PLXNB1: variants seen among roughly 807,000 people sequenced by gnomAD.
PLXNB1 encodes plexin-B1.
A neutral mutation model predicts 209.4 loss-of-function variants in PLXNB1; 106 were observed. The ratio of observed to expected loss-of-function variants is 0.51; its 90% CI spans 0.43 to 0.59. The LOEUF is 0.59. Ranked by LOEUF, PLXNB1 falls within the 20% of genes least tolerant of loss-of-function variation. PLXNB1 has a pLI of 0.00. For missense variants in PLXNB1, 2,357 were observed against 2,853.2 expected (o/e 0.83, Z 3.96); for synonymous variants, 1,167 against 1,183.2 (o/e 0.99, Z 0.28).
chr3:48,416,352 G>A lies in PLXNB1; in HGVS notation c.3474C>T (p.Ala1158=). 1.2e-6 allele frequency: 2 copies of A among 1,610,986 alleles called. No individual in the cohort carries two copies. Among genetic ancestry groups the A allele is most frequent in the Non-Finnish European group, 1.7e-6 (2 of 1,178,394 alleles). The part of the protein sequence containing the change: ...RGRGVSEHDF[A]YQDPKVHSIF... ...TGGCTCAGCAGTCAGGTACCTGGTA[G>A]GCAAAGTCGTGTTCTGAGACACCAC... The change falls in exon 17 of 38, where the codon GCC becomes GCT. Residue 1158 remains alanine, a synonymous_variant. Coordinates refer to ENST00000296440, the MANE Select transcript of PLXNB1 (RefSeq NM_001130082.3). The surrounding 1 kb of genome is among the most constrained non-coding windows in gnomAD (Gnocchi z 4.1).
chr3:48,419,184 T>C lies in PLXNB1; in HGVS notation c.2832+60A>G. The C allele has an allele frequency of 6.5e-7, 1 of 1,549,296 alleles. No homozygotes were observed. The highest frequency in any genetic ancestry group is 2.3e-5 in the East Asian group (1 of 44,140). On this transcript the variant is annotated intron_variant, in intron 12 of 37. Coordinates refer to ENST00000296440, the MANE Select transcript of PLXNB1 (RefSeq NM_001130082.3). The surrounding 1 kb of genome is among the most constrained non-coding windows in gnomAD (Gnocchi z 5.7). ...CCCTCCTCCTGCTCCCCAGGGCTTGTGCAGAGTTTCTCAACAGCTAAGGAG... is the reference window on the plus strand; with the variant it reads ...CCCTCCTCCTGCTCCCCAGGGCTTGCGCAGAGTTTCTCAACAGCTAAGGAG...
intron 27 of PLXNB1, 65 bp from the exon 28 acceptor site, chr3:48,412,074 A>G (rs566215841): frequency 1.9e-6 from 3 of 1,575,726 alleles, no homozygotes; most frequent in Admixed American, 3.4e-5. Flanking sequence ...CATGACGCAC[A>G]CTGGGGAAGG....
rs779593885 is a variant in PLXNB1 at position 48,421,275 on chromosome 3, C to T, written c.1763G>A (p.Cys588Tyr). ...PALLTGSGVMCPSPDPSEAPV... is the reference protein window; with the variant it reads ...PALLTGSGVMYPSPDPSEAPV... ...GGCCTCACTAGGGTCTGGGGAGGGGCACATCACACCAGAACCAGTCAGCAG... is the reference window on the plus strand; with the variant it reads ...GGCCTCACTAGGGTCTGGGGAGGGGTACATCACACCAGAACCAGTCAGCAG... The change falls in exon 8 of 38, where the codon TGC becomes TAC. Residue 588 changes from cysteine (C) to tyrosine (Y), a missense_variant. By Grantham distance (194) the Cys-to-Tyr change is radical (BLOSUM62 -2). Around this residue, in one of 7 missense-constraint regions of PLXNB1, gnomAD observed 214 missense variants for 297.1 expected, o/e 0.72. Coordinates refer to ENST00000296440, the MANE Select transcript of PLXNB1 (RefSeq NM_001130082.3). 6.2e-6 allele frequency: 10 copies of T among 1,612,036 alleles called. No homozygotes were observed. The highest frequency in any genetic ancestry group is 1.7e-6 in the Non-Finnish European group (2 of 1,179,150).
chr3:48,408,551 C>G (rs1460118089), intron 34 of PLXNB1, among the ~76,000 whole-genome samples: 1 of 152,170 alleles, frequency 6.6e-6, no homozygotes, highest in East Asian at 1.9e-4. Context: ...GCTCCAACTA[C>G]TCAGTCTCCT....
rs1006829115 is a variant in PLXNB1 at position 48,404,446 on chromosome 3, G to A, written c.*40C>T. The A allele has an allele frequency of 7.0e-7, 1 of 1,423,674 alleles. No homozygotes were observed. The highest frequency in any genetic ancestry group is 2.3e-5 in the East Asian group (1 of 43,892). 88.2% of individuals were successfully genotyped at this position (1,423,674 alleles called of 1,614,324 possible). ...TCCTCCGAGCTTCCAGGGCTGCCCA[G>A]GCCAGGCTGAAGCAACAGCAGGCCG... is the stretch of plus-strand genomic sequence containing the variant. On this transcript the variant is annotated 3_prime_UTR_variant, in exon 38 of 38. Coordinates refer to ENST00000296440, the MANE Select transcript of PLXNB1 (RefSeq NM_001130082.3).
rs764358646 is a variant in PLXNB1 at position 48,415,190 on chromosome 3, A to C, written c.3952T>G (p.Cys1318Gly). Residue 1318 changes from cysteine (C) to glycine (G), a missense_variant, in exon 20 of 38, where the codon TGC becomes GGC. Physicochemically the swap from Cys to Gly is radical, Grantham distance 159. This residue lies in a region of PLXNB1 where 743 missense variants were observed against 896.2 expected (regional missense o/e 0.83). Transcript: ENST00000296440. The surrounding 1 kb of genome is among the most constrained non-coding windows in gnomAD (Gnocchi z 5.0). ...GGGTGTCCTACTTGCTGGCTACTGC[A>C]GGAGGGTCCAAGGGAACATGCCGTC... ...PETACSLGPS[C>G]SSQQFEEPCH... 1.9e-6 allele frequency: 3 copies of C among 1,612,778 alleles called. No homozygotes were observed. In the Admixed American group the frequency reaches 5.0e-5, roughly 27 times the overall value.
chr3:48,427,189 A>G (rs2038937552), intron 1 of PLXNB1, among the ~76,000 whole-genome samples: 1 of 152,138 alleles, frequency 6.6e-6, no homozygotes, highest in Non-Finnish European at 1.5e-5. Context: ...GGTTAAAAAC[A>G]AAAACAAAAA....
At chr3:48,427,370 C>T (rs1034961436) in intron 1 of PLXNB1, among the ~76,000 whole-genome samples, 21 of 152,162 alleles carry the variant, frequency 1.4e-4, no homozygotes, top group Non-Finnish European at 2.9e-5. Flanking sequence ...CCACACATAC[C>T]ATGGGTGTCG....
rs369198274 is a variant in PLXNB1, at chr3:48,413,045, C to T, written c.4636+24G>A. ...TGGGTTTGGGCAGAGTTCTGGAGGG[C>T]GGGGCCCATTCTCTCAGCCACACCT... is the stretch of plus-strand genomic sequence containing the variant. On this transcript the variant is annotated intron_variant, in intron 24 of 37. Transcript: ENST00000296440. The surrounding 1 kb of genome is among the most constrained non-coding windows in gnomAD (Gnocchi z 5.4). The T allele has an allele frequency of 3.7e-6, 6 of 1,609,272 alleles. No individual in the cohort carries two copies. The highest frequency in any genetic ancestry group is 5.1e-6 in the Non-Finnish European group (6 of 1,175,856).
At chr3:48,408,279 G>A (rs529461826) in intron 34 of PLXNB1, among the ~76,000 whole-genome samples, 28 of 152,286 alleles carry the variant, frequency 1.8e-4, no homozygotes, top group African/African-American at 6.7e-4. Context: ...CTCCCAAAGT[G>A]CTGGGATTCT....
rs1415533474 is a variant in PLXNB1, at chr3:48,421,219, C to T, written c.1810+9G>A. On this transcript the variant is annotated intron_variant, in intron 8 of 37. Coordinates refer to ENST00000296440, the MANE Select transcript of PLXNB1 (RefSeq NM_001130082.3). ...GGCCCCCACCAGGCTGGCCCATTCT[C>T]TCACCCACCGGCTCCTCTCGGCAGC... The T allele has an allele frequency of 1.2e-6, 2 of 1,612,340 alleles. No individual in the cohort carries two copies. Among genetic ancestry groups the T allele is most frequent in the Non-Finnish European group, 8.5e-7 (1 of 1,179,386 alleles).
chr3:48,415,439 C>G lies in PLXNB1; in HGVS notation c.3795-92G>C. The G allele has an allele frequency of 2.1e-6, 3 of 1,461,394 alleles. No individual in the cohort carries two copies. The highest frequency in any genetic ancestry group is 2.5e-5 in the South Asian group (2 of 79,644). The allele number at this position is 1,461,394 out of a possible 1,614,324, so 90.5% of individuals were successfully genotyped here. On this transcript the variant is annotated intron_variant, in intron 19 of 37. Coordinates refer to ENST00000296440, the MANE Select transcript of PLXNB1 (RefSeq NM_001130082.3). This position sits in a 1 kb window ranked among gnomAD's most constrained non-coding sequence, Gnocchi z 5.0. ...AGTCCCGGCTAGGTCAGCTCAGCCCCAGCCCCAAACCACACGACCCCTTGC... is the reference window on the plus strand; with the variant it reads ...AGTCCCGGCTAGGTCAGCTCAGCCCGAGCCCCAAACCACACGACCCCTTGC...
rs1169347471 is a variant in PLXNB1, at chr3:48,410,275, C to T, written c.5605+21G>A. The T allele has an allele frequency of 9.5e-6, 15 of 1,576,614 alleles. No homozygotes were observed. Among genetic ancestry groups the T allele is most frequent in the East Asian group, 6.8e-5 (3 of 44,424 alleles). On this transcript the variant is annotated intron_variant, in intron 31 of 37. Coordinates refer to ENST00000296440, the MANE Select transcript of PLXNB1 (RefSeq NM_001130082.3). The surrounding 1 kb of genome is among the most constrained non-coding windows in gnomAD (Gnocchi z 6.4). ...GCTGGGCACAGCAGGGGCAGAGGAC[C>T]GTGATGGGAGCGGTACTCACGCTCT... is the stretch of plus-strand genomic sequence containing the variant.
rs547716678 is a variant in PLXNB1 at position 48,423,807 on chromosome 3, C to T, written c.805G>A (p.Glu269Lys). The T allele has an allele frequency of 6.8e-6, 11 of 1,613,966 alleles. No individual in the cohort carries two copies. Among genetic ancestry groups the T allele is most frequent in the African/African-American group, 1.3e-5 (1 of 75,054 alleles). Reference protein sequence around the residue: ...YSYVELPLACEGGRYGLIQAA... With the variant: ...YSYVELPLACKGGRYGLIQAA... ...TGGATCAGCCCGTAGCGGCCACCTT[C>T]GCAGGCCAGAGGCAACTCCACATAG... Residue 269 changes from glutamate (E) to lysine (K), a missense_variant, in exon 3 of 38, where the codon GAA becomes AAA. Glu to Lys is a moderately conservative substitution (Grantham distance 56, BLOSUM62 1). This residue lies in a region of PLXNB1 where 404 missense variants were observed against 443.6 expected (regional missense o/e 0.91). Coordinates refer to ENST00000296440, the MANE Select transcript of PLXNB1 (RefSeq NM_001130082.3).
In PLXNB1 at chr3:48,424,260, C is replaced by G. The variant is rs368626600; in HGVS notation, c.352G>C (p.Val118Leu). The G allele has an allele frequency of 1.9e-6, 3 of 1,599,250 alleles. No homozygotes were observed. In the Admixed American group the frequency reaches 5.2e-5, roughly 28 times the overall value. ...LVVCGSVHQG[V>L]CEQRRLGQLE... ...TGCCCCAGGCGCCGCTGTTCACAGA[C>G]CCCCTGGTGCACGCTCCCGCATACC... The change falls in exon 3 of 38, where the codon GTC becomes CTC. Residue 118 changes from valine (V) to leucine (L), a missense_variant. Transcript: ENST00000296440.
At position 48,413,053 on chromosome 3, in the gene PLXNB1, A is replaced by G. The variant is rs1215478366; in HGVS notation, c.4636+16T>C. 2 of 1,611,766 alleles carry G rather than the reference A, an allele frequency of 1.2e-6. No homozygotes were observed. Among genetic ancestry groups the G allele is most frequent in the African/African-American group, 1.3e-5 (1 of 74,958 alleles). ...GGCAGAGTTCTGGAGGGCGGGGCCC[A>G]TTCTCTCAGCCACACCTGTGAATTC... On this transcript the variant is annotated intron_variant, in intron 24 of 37. Transcript: ENST00000296440. This position sits in a 1 kb window ranked among gnomAD's most constrained non-coding sequence, Gnocchi z 5.4.
Position 48,411,441 on chromosome 3 carries a change from G to A in PLXNB1, c.5248-405C>T, listed in dbSNP as rs1326286887. Among the ~76,000 whole-genome samples, 1 of 152,196 alleles carries A rather than the reference G, an allele frequency of 6.6e-6. No individual in the cohort carries two copies. The highest frequency in any genetic ancestry group is 2.4e-5 in the African/African-American group (1 of 41,446). ...CAGGCCTGAATGGGGGTTTCCCACA[G>A]GAACCCTTGTGCGTAACTAAGGGGA... is the stretch of plus-strand genomic sequence containing the variant. On this transcript the variant is annotated intron_variant, in intron 28 of 37. Transcript: ENST00000296440. This position sits in a 1 kb window ranked among gnomAD's most constrained non-coding sequence, Gnocchi z 4.0.
At chr3:48,408,538 A>G (rs2106744266) in intron 34 of PLXNB1, among the ~76,000 whole-genome samples, 1 of 152,052 alleles carries the variant, frequency 6.6e-6, no homozygotes, top group African/African-American at 2.4e-5. Flanking sequence ...GTGCTCCCGG[A>G]CGGCTCCAAC....
chr3:48,415,905 G>C lies in PLXNB1; in HGVS notation c.3617+126C>G. On this transcript the variant is annotated intron_variant, in intron 18 of 37. Coordinates refer to ENST00000296440, the MANE Select transcript of PLXNB1 (RefSeq NM_001130082.3). The surrounding 1 kb of genome is among the most constrained non-coding windows in gnomAD (Gnocchi z 5.0). ...ACTCCCACCACAGCTGGCTAGGGAG[G>C]GTCTGGCCACTCTCTGAAGGAGCAG... The C allele has an allele frequency of 7.4e-7, 1 of 1,354,072 alleles. No homozygotes were observed. The highest frequency in any genetic ancestry group is 1.0e-6 in the Non-Finnish European group (1 of 993,678). The allele number at this position is 1,354,072 out of a possible 1,614,324, so 83.9% of individuals were successfully genotyped here.
Sources: gnomAD v4.1 joint callset for allele counts (sites outside exome capture counted in the v4.1 genomes callset) on GRCh38, gnomAD v4.1.1 for gene constraint, gnomAD v4.1.1 regional missense constraint, Gnocchi (gnomAD v3.1) non-coding constraint, MANE v1.5 for transcripts, NCBI Gene and HGNC (gene_info 2026-07-23, HGNC 2026-07-21) for gene names.